DSCAM: variants seen among roughly 807,000 people sequenced by gnomAD.
DSCAM encodes cell adhesion molecule DSCAM.
Under a neutral mutation model 217.7 loss-of-function variants are expected in DSCAM, and 47 were observed. That is an observed-to-expected ratio of 0.22 (90% CI 0.17 to 0.28). DSCAM has a LOEUF of 0.28. Among genes scored for constraint, DSCAM ranks in the 10% least tolerant of loss-of-function variants. The pLI is 1.00. For synonymous variants in DSCAM, 1,056 were observed against 1,015.3 expected (o/e 1.04, Z -0.76); for missense variants, 2,080 against 2,618.3 (o/e 0.79, Z 4.49).
chr21:40,394,965 T>C (rs1054215865), intron 3 of DSCAM, among the ~76,000 whole-genome samples: 1 of 152,160 alleles, frequency 6.6e-6, no homozygotes, highest in Non-Finnish European at 1.5e-5. Flanking sequence ...CTAAGGAAAA[T>C]TTATAAGGAA....
chr21:40,112,815 GAAGA>G (rs751281972), intron 20 of DSCAM, among the ~76,000 whole-genome samples: 5 of 152,240 alleles, frequency 3.3e-5, no homozygotes, highest in Middle Eastern at 6.8e-3. Context: ...AGAAAATCTA[GAAGA>G]AATGGTAAAA....
rs1358485768 is a variant in DSCAM at position 40,360,120 on chromosome 21, A to G, written c.656-6377T>C. Among the ~76,000 whole-genome samples the G allele has an allele frequency of 6.3e-5, 6 of 94,730 alleles. 1 individual carries two copies. Among genetic ancestry groups the G allele is most frequent in the African/African-American group, 8.8e-5 (2 of 22,650 alleles). The allele number at this position is 94,730 out of a possible 152,430, so 62.1% of individuals were successfully genotyped here. A position where few individuals can be genotyped will look rare whatever the true frequency, so the allele number is the denominator to read the frequency against. ...GTAGTGAGCATGGTACTTCATAGGT[A>G]GTCTTTTTTTTTTTTTTTTTTTTTT... On this transcript the variant is annotated intron_variant, in intron 4 of 32. Transcript: ENST00000400454.
chr21:40,708,878 G>A (rs1393741670), intron 1 of DSCAM, 107 bp from the exon 2 acceptor site: 11 of 815,006 alleles, frequency 1.3e-5, no homozygotes, highest in African/African-American at 1.8e-5. Context: ...ATCATGAGGC[G>A]CAGGCTCAAA....
chr21:40,579,237 AATT>A (rs1378260323), intron 3 of DSCAM, among the ~76,000 whole-genome samples: 7 of 150,860 alleles, frequency 4.6e-5, no homozygotes. Flanking sequence ...TACATAATTA[AATT>A]ATAATAAATT....
intron 3 of DSCAM, among the ~76,000 whole-genome samples, chr21:40,413,591 C>T (rs2075343102): frequency 6.6e-6 from 1 of 152,202 alleles, no homozygotes; most frequent in Admixed American, 6.5e-5. Context: ...ATCATCCCAG[C>T]AGGATATTGA....
chr21:40,606,699 C>A (rs1198536895), intron 3 of DSCAM, among the ~76,000 whole-genome samples: 3 of 152,208 alleles, frequency 2.0e-5, no homozygotes, highest in Non-Finnish European at 4.4e-5. Flanking sequence ...CAGCTCAGAG[C>A]AAATGTACCT....
rs148850079 is a variant in DSCAM at position 40,297,987 on chromosome 21, A to G, written c.2063-1813T>C. ...ATTTTAAGGATTGTTAAGATGATCA[A>G]ATAAATTAAGATTAGAAAAGTTCTC... On this transcript the variant is annotated intron_variant, in intron 9 of 32. Transcript: ENST00000400454. 2.0e-3 allele frequency among the ~76,000 whole-genome samples: 309 copies of G among 152,330 alleles called. 3 individuals carry two copies. The highest frequency in any genetic ancestry group is 6.9e-3 in the African/African-American group (286 of 41,572).
intron 3 of DSCAM, among the ~76,000 whole-genome samples, chr21:40,579,051 G>C (rs534719308): frequency 2.0e-5 from 3 of 152,158 alleles, no homozygotes; most frequent in Non-Finnish European, 4.4e-5. Context: ...TAGCACATTT[G>C]TAACGACAGA....
intron 4 of DSCAM, among the ~76,000 whole-genome samples, chr21:40,365,797 A>G (rs1467179475): frequency 1.3e-5 from 2 of 152,126 alleles, no homozygotes; most frequent in African/African-American, 4.8e-5. Flanking sequence ...CTAGCTCCTA[A>G]CAGCCATGAG....
chr21:40,343,896 A>AT (rs1305758211), intron 6 of DSCAM, among the ~76,000 whole-genome samples: 5 of 134,456 alleles, frequency 3.7e-5, no homozygotes, highest in East Asian at 2.2e-4. Flanking sequence ...ATTTCATTTT[A>AT]TTTATTTTAT....
In DSCAM at chr21:40,359,760, C is replaced by A. The variant is rs542242799; in HGVS notation, c.656-6017G>T. ...GAAAATGCAACTCTACAGAGACAGA[C>A]CATAGATTAGTGGTTGTCTGGGACT... On this transcript the variant is annotated intron_variant, in intron 4 of 32. Coordinates refer to ENST00000400454, the MANE Select transcript of DSCAM (RefSeq NM_001389.5). Among the ~76,000 whole-genome samples the A allele has an allele frequency of 4.8e-4, 73 of 152,206 alleles. No homozygotes were observed. The South Asian group carries it at 0.014, about 29-fold the overall frequency.
At chr21:40,256,843 G>A (rs1308059681) in intron 11 of DSCAM, among the ~76,000 whole-genome samples, 1 of 152,088 alleles carries the variant, frequency 6.6e-6, no homozygotes, top group Admixed American at 6.6e-5. Flanking sequence ...TGTCAACTCG[G>A]CATCCATGCA....
chr21:40,141,633 A>G (rs562277011), intron 18 of DSCAM, among the ~76,000 whole-genome samples: 35 of 150,836 alleles, frequency 2.3e-4, no homozygotes, highest in Non-Finnish European at 4.1e-4. Context: ...AAGAAAAGAA[A>G]CCCCAAACAA....
intron 3 of DSCAM, among the ~76,000 whole-genome samples, chr21:40,569,468 C>T (rs1387048783): frequency 6.6e-6 from 1 of 152,174 alleles, no homozygotes; most frequent in Non-Finnish European, 1.5e-5. Flanking sequence ...CTGAAGCTTC[C>T]CTGAGAAAGA....
At chr21:40,145,327 T>C (rs934766632) in intron 16 of DSCAM, among the ~76,000 whole-genome samples, 1 of 152,120 alleles carries the variant, frequency 6.6e-6, no homozygotes, top group East Asian at 1.9e-4. Flanking sequence ...AATCACAGTG[T>C]TTCCAGGTTG....
intron 3 of DSCAM, chr21:40,615,453 A>G (rs1353205103): frequency 3.6e-5 from 1 of 27,854 alleles, no homozygotes; most frequent in East Asian, 1.2e-3. Flanking sequence ...AGAGCACTTT[A>G]AGAGTGATCT....
At position 40,547,224 on chromosome 21, in the gene DSCAM, C is replaced by G. The variant is rs555776972; in HGVS notation, c.508+145586G>C. 4.6e-5 allele frequency among the ~76,000 whole-genome samples: 7 copies of G among 152,264 alleles called. 1 individual carries two copies. In the South Asian group the frequency reaches 1.5e-3, roughly 32 times the overall value. ...ACAGCCTGCTAACCTTTCTAGAATCCATTTTTCTCCACACTCCCACACCAC... is the reference window on the plus strand; with the variant it reads ...ACAGCCTGCTAACCTTTCTAGAATCGATTTTTCTCCACACTCCCACACCAC... On this transcript the variant is annotated intron_variant, in intron 3 of 32. Transcript: ENST00000400454.
intron 17 of DSCAM, among the ~76,000 whole-genome samples, chr21:40,142,977 G>C (rs899116655): frequency 5.3e-5 from 8 of 152,104 alleles, no homozygotes; most frequent in African/African-American, 1.9e-4. Context: ...CAGTTGTTGG[G>C]ACTTGAGTCG....
chr21:40,453,040 T>TTGTGTGTGTGTGTGTGTGTGTGTGTG (rs3069917), intron 3 of DSCAM, among the ~76,000 whole-genome samples: 1 of 134,328 alleles, frequency 7.4e-6, no homozygotes, highest in African/African-American at 2.8e-5. Flanking sequence ...TTTAAAGACT[T>TTGTGTGTGTGTGTGTGTGTGTGTGTG]TGTGTGTGTG....
Sources: gnomAD v4.1 joint callset for allele counts (sites outside exome capture counted in the v4.1 genomes callset) on GRCh38, gnomAD v4.1.1 for gene constraint, MANE v1.5 for transcripts, NCBI Gene and HGNC (gene_info 2026-07-23, HGNC 2026-07-21) for gene names.